Variants in KCND3 observed in about 807,000 individuals in gnomAD.
KCND3 encodes A-type voltage-gated potassium channel KCND3.
Under a neutral mutation model 51.1 loss-of-function variants are expected in KCND3, and 9 were observed. The ratio of observed to expected loss-of-function variants is 0.18; its 90% CI spans 0.11 to 0.31. The LOEUF (loss-of-function observed/expected upper bound fraction) is 0.31. Among genes scored for constraint, KCND3 ranks in the 10% least tolerant of loss-of-function variants. The pLI, the probability that KCND3 is intolerant of heterozygous loss-of-function variation, is 1.00. For missense variants in KCND3, 526 were observed against 903.8 expected (o/e 0.58, Z 5.36); for synonymous variants, 349 against 368.0 (o/e 0.95, Z 0.59).
rs138973718 is a variant in KCND3 at position 111,857,945 on chromosome 1, T to G, written c.1107-70839A>C. 8.1e-3 allele frequency among the ~76,000 whole-genome samples: 1,234 copies of G among 152,280 alleles called. 8 individuals carry two copies. Among genetic ancestry groups the G allele is most frequent in the Middle Eastern group, 0.044 (13 of 294 alleles). On this transcript the variant is annotated intron_variant, in intron 2 of 7. Transcript: ENST00000302127. ...CCTACTGTGTACCAGGCACATTTAC[T>G]TGGGTTATTAAAAAATTTTTCTGAT... is the stretch of plus-strand genomic sequence containing the variant.
At chr1:111,879,676 C>T (rs1463959198) in intron 2 of KCND3, among the ~76,000 whole-genome samples, 1 of 152,196 alleles carries the variant, frequency 6.6e-6, no homozygotes, top group African/African-American at 2.4e-5. Flanking sequence ...GAGCTTCCCT[C>T]GTGACATGTA....
chr1:111,929,742 A>T (rs533697447), intron 2 of KCND3, among the ~76,000 whole-genome samples: 1 of 152,262 alleles, frequency 6.6e-6, no homozygotes, highest in East Asian at 1.9e-4. Flanking sequence ...TGCAGAGCTG[A>T]GTGGACAGGA....
At chr1:111,929,262 C>T (rs1671847903) in intron 2 of KCND3, among the ~76,000 whole-genome samples, 1 of 152,180 alleles carries the variant, frequency 6.6e-6, no homozygotes, top group Admixed American at 6.5e-5. Flanking sequence ...ACAACCCCCA[C>T]TGCTCAGTAA....
intron 2 of KCND3, among the ~76,000 whole-genome samples, chr1:111,943,338 AC>A (rs746448610): frequency 1.3e-5 from 2 of 151,812 alleles, no homozygotes; most frequent in Non-Finnish European, 2.9e-5. Context: ...GCCCAGCCTC[AC>A]CCAGCCTGCA....
At chr1:111,953,991 C>T (rs979610366) in intron 2 of KCND3, among the ~76,000 whole-genome samples, 7 of 152,174 alleles carry the variant, frequency 4.6e-5, no homozygotes, top group Non-Finnish European at 1.0e-4. Flanking sequence ...CACAGGGAGG[C>T]ACCATGGGCT....
chr1:111,980,560 T>A (rs1403866413), intron 2 of KCND3, among the ~76,000 whole-genome samples: 3 of 152,082 alleles, frequency 2.0e-5, no homozygotes, highest in East Asian at 3.9e-4. Context: ...AAAAGCTTCA[T>A]GAATTCTCCA....
At chr1:111,963,474 T>C (rs189927419) in intron 2 of KCND3, among the ~76,000 whole-genome samples, 12 of 152,202 alleles carry the variant, frequency 7.9e-5, no homozygotes, top group Non-Finnish European at 1.6e-4. Flanking sequence ...ACCTGTAAAG[T>C]GGGGATGATA....
At chr1:111,831,959 A>T (rs1452164790) in intron 2 of KCND3, among the ~76,000 whole-genome samples, 1 of 152,228 alleles carries the variant, frequency 6.6e-6, no homozygotes, top group Non-Finnish European at 1.5e-5. Context: ...TCTCCAGAAC[A>T]ATGGGCACAG....
chr1:111,981,522 CCCT>C lies in KCND3; in HGVS notation c.1106+96_1106+98del. On this transcript the variant is annotated intron_variant, in intron 2 of 7. Coordinates refer to ENST00000302127, the MANE Select transcript of KCND3 (RefSeq NM_001378969.1). The surrounding 1 kb of genome is among the most constrained non-coding windows in gnomAD (Gnocchi z 6.2). Reference sequence around the variant, plus strand: ...GCCCCCAACACTTGGGTAAGGGACTCCCTCCTCCTCTACCCATGGTGACACCAT... The same window carrying C: ...GCCCCCAACACTTGGGTAAGGGACTCCCTCCTCTACCCATGGTGACACCAT... The C allele has an allele frequency of 3.2e-6, 5 of 1,552,818 alleles. No individual in the cohort carries two copies. The highest frequency in any genetic ancestry group is 4.4e-6 in the Non-Finnish European group (5 of 1,126,424).
At chr1:111,968,016 A>G (rs993553982) in intron 2 of KCND3, among the ~76,000 whole-genome samples, 4 of 152,214 alleles carry the variant, frequency 2.6e-5, no homozygotes, top group Non-Finnish European at 4.4e-5. Context: ...GAGCAGGGAC[A>G]CAGCAGCCTC....
intron 2 of KCND3, among the ~76,000 whole-genome samples, chr1:111,817,389 A>T (rs1427615875): frequency 1.3e-5 from 2 of 152,338 alleles, no homozygotes; most frequent in East Asian, 3.9e-4. Context: ...AATGTCCAAG[A>T]CCAAAAGTGG....
chr1:111,853,802 A>T (rs1667933603), intron 2 of KCND3: 1 of 152,166 alleles, frequency 6.6e-6, no homozygotes, highest in Non-Finnish European at 1.5e-5. Flanking sequence ...TAAATGATTA[A>T]CCTCAGTTTC....
chr1:111,946,322 G>C (rs1464413097), intron 2 of KCND3, among the ~76,000 whole-genome samples: 1 of 152,214 alleles, frequency 6.6e-6, no homozygotes, highest in African/African-American at 2.4e-5. Flanking sequence ...CAAGTCGTGG[G>C]CAAGGGGAAA....
intron 2 of KCND3, among the ~76,000 whole-genome samples, chr1:111,936,460 G>A (rs938323568): frequency 1.4e-4 from 22 of 152,340 alleles, no homozygotes; most frequent in African/African-American, 5.3e-4. Context: ...AGTGACCAGA[G>A]AGGAAGGCGA....
intron 2 of KCND3, among the ~76,000 whole-genome samples, chr1:111,881,516 A>G (rs55919047): frequency 0.12 from 17,641 of 151,874 alleles, 1,127 homozygotes; most frequent in East Asian, 0.18. Context: ...TTCTTTCCTA[A>G]CCCCTGTTGC....
At chr1:111,959,214 C>A (rs760546992) in intron 2 of KCND3, among the ~76,000 whole-genome samples, 3 of 152,170 alleles carry the variant, frequency 2.0e-5, no homozygotes, top group Non-Finnish European at 4.4e-5. Flanking sequence ...GCCCATGCTT[C>A]CAGAAGTGCT....
chr1:111,835,468 A>G (rs1315941656), intron 2 of KCND3, among the ~76,000 whole-genome samples: 2 of 152,200 alleles, frequency 1.3e-5, no homozygotes, highest in African/African-American at 2.4e-5. Context: ...ACAGAATAAG[A>G]TAGGAGGTTG....
At chr1:111,913,888 C>G (rs182480251) in intron 2 of KCND3, among the ~76,000 whole-genome samples, 311 of 152,122 alleles carry the variant, frequency 2.0e-3, no homozygotes, top group African/African-American at 7.2e-3. Flanking sequence ...AGAGCAAGAC[C>G]CTGTCTCAAA....
In KCND3 at chr1:111,956,784, G is replaced by A. The variant is rs549386531; in HGVS notation, c.1106+24837C>T. Among the ~76,000 whole-genome samples, 4 of 152,290 alleles carry A rather than the reference G, an allele frequency of 2.6e-5. No homozygotes were observed. The South Asian group carries it at 8.3e-4, about 32-fold the overall frequency. On this transcript the variant is annotated intron_variant, in intron 2 of 7. Transcript: ENST00000302127. ...TCTCCTGGGTTGCTTCAGGACCTGA[G>A]TCTTTCCCTCTCTCTGCAAATGAGG...
Sources: allele counts gnomAD v4.1 joint callset (sites outside exome capture counted in the v4.1 genomes callset), GRCh38; gene constraint gnomAD v4.1.1; non-coding constraint Gnocchi (gnomAD v3.1); transcripts MANE v1.5; gene names NCBI Gene and HGNC (gene_info 2026-07-23, HGNC 2026-07-21).